The following CCDC146 variants were observed in gnomAD, a reference collection of about 807,000 sequenced individuals.
CCDC146 encodes the protein coiled-coil domain containing 146, also known as coiled-coil domain-containing protein 146.
In CCDC146, 92 loss-of-function variants were observed where a neutral mutation model predicts 119.3. The ratio of observed to expected loss-of-function variants is 0.77; its 90% CI spans 0.65 to 0.92. The LOEUF (loss-of-function observed/expected upper bound fraction) is 0.92. CCDC146 is among the 40% of genes least tolerant of loss of function. The probability of loss-of-function intolerance (pLI) is 0.00; values close to 1 mark genes in which losing one functional copy is unlikely to be tolerated. For synonymous variants in CCDC146, 372 were observed against 371.8 expected (o/e 1.00, Z -0.01); for missense variants, 1,000 against 1,103.0 (o/e 0.91, Z 1.32).
At chr7:77,286,675 A>G (rs1584148249) in intron 15 of CCDC146, 123 bp from the exon 16 acceptor site, 1 of 849,552 alleles carries the variant, frequency 1.2e-6, no homozygotes, top group Non-Finnish European at 1.9e-6. Context: ...AAGAAAACAG[A>G]GTTCTCTTCT....
At chr7:77,146,042 T>TG (rs1791013711) in intron 1 of CCDC146, among the ~76,000 whole-genome samples, 1 of 151,864 alleles carries the variant, frequency 6.6e-6, no homozygotes, top group Non-Finnish European at 1.5e-5. Context: ...ATTATCATTG[T>TG]GGGGGAGTCT....
rs555190314 is a variant in CCDC146, at chr7:77,263,226, T to C, written c.1173+919T>C. Among the ~76,000 whole-genome samples, 133 of 152,276 alleles carry C rather than the reference T, an allele frequency of 8.7e-4. 2 individuals carry two copies. The South Asian group carries it at 0.027, about 31-fold the overall frequency. ...TTGCAGTTGAGCAGAGTCATATAAC[T>C]CATTCTGGCCAGAGGATTGTAGACA... On this transcript the variant is annotated intron_variant, in intron 9 of 18. Coordinates refer to ENST00000285871, the MANE Select transcript of CCDC146 (RefSeq NM_020879.3).
intron 1 of CCDC146, among the ~76,000 whole-genome samples, chr7:77,132,991 G>GT (rs1380521917): frequency 6.6e-6 from 1 of 151,928 alleles, no homozygotes; most frequent in Admixed American, 6.6e-5. Flanking sequence ...GGCTAACATG[G>GT]TGAAACCCCA....
chr7:77,254,330 G>A (rs756569041), intron 4 of CCDC146, among the ~76,000 whole-genome samples, 176 bp from the exon 5 acceptor site: 4 of 152,180 alleles, frequency 2.6e-5, no homozygotes, highest in Non-Finnish European at 4.4e-5. Context: ...GTCCTGGGGA[G>A]GAGGAAGCAC....
intron 2 of CCDC146, among the ~76,000 whole-genome samples, chr7:77,191,703 T>C (rs1363585544): frequency 6.6e-6 from 1 of 151,916 alleles, no homozygotes; most frequent in Non-Finnish European, 1.5e-5. Context: ...GGTCAGGAGA[T>C]CGAGACCATC....
chr7:77,211,231 T>A (rs3095470), intron 2 of CCDC146, among the ~76,000 whole-genome samples: 1 of 151,976 alleles, frequency 6.6e-6, no homozygotes, highest in Non-Finnish European at 1.5e-5. Context: ...TTTTTTCTTG[T>A]GGTTCTTCAT....
chr7:77,233,330 G>A (rs750070082), intron 2 of CCDC146, among the ~76,000 whole-genome samples: 2 of 152,044 alleles, frequency 1.3e-5, no homozygotes, highest in African/African-American at 2.4e-5. Flanking sequence ...GACCTCAGGT[G>A]ATCTGCCCGC....
At chr7:77,136,869 T>C (rs1040506466) in intron 1 of CCDC146, among the ~76,000 whole-genome samples, 1 of 152,030 alleles carries the variant, frequency 6.6e-6, no homozygotes, top group Non-Finnish European at 1.5e-5. Context: ...CTCAACAAAA[T>C]TGAATCAACA....
intron 11 of CCDC146, among the ~76,000 whole-genome samples, chr7:77,276,208 A>AAG (rs1793634012): frequency 1.3e-5 from 2 of 150,898 alleles, no homozygotes; most frequent in Admixed American, 1.3e-4. Flanking sequence ...TTCCTCTCAA[A>AAG]AATAAAAAAA....
intron 1 of CCDC146, among the ~76,000 whole-genome samples, chr7:77,152,673 G>A (rs1318731850): frequency 6.6e-6 from 1 of 152,010 alleles, no homozygotes; most frequent in Non-Finnish European, 1.5e-5. Context: ...GTCTTTTAAG[G>A]CTCTCACACC....
rs1562865217 is a variant in CCDC146, at chr7:77,292,975, C to A, written c.2439C>A (p.Ile813=). ...AKKMNGYQRR[I]KNATEKMMAL... The stretch of plus-strand genomic sequence containing the variant: ...AGATGAATGGCTATCAAAGAAGGAT[C>A]AAAAATGCAACTGAGAAAATGATGG... The change falls in exon 18 of 19, where the codon ATC becomes ATA. Residue 813 remains isoleucine, a synonymous_variant. Transcript: ENST00000285871. 7 of 1,613,858 alleles carry A rather than the reference C, an allele frequency of 4.3e-6. No homozygotes were observed. The highest frequency in any genetic ancestry group is 1.7e-5 in the Admixed American group (1 of 59,974).
At chr7:77,186,076 A>G (rs1791662338) in intron 2 of CCDC146, among the ~76,000 whole-genome samples, 1 of 152,196 alleles carries the variant, frequency 6.6e-6, no homozygotes. Flanking sequence ...TATGGAGAAC[A>G]GTTTCCAGGT....
intron 2 of CCDC146, among the ~76,000 whole-genome samples, chr7:77,224,951 G>C (rs1343389907): frequency 6.6e-6 from 1 of 152,316 alleles, no homozygotes; most frequent in East Asian, 1.9e-4. Context: ...ACAGAGCAGA[G>C]ACTACTCTTT....
intron 2 of CCDC146, among the ~76,000 whole-genome samples, chr7:77,219,033 G>C (rs1792351791): frequency 6.6e-6 from 1 of 152,158 alleles, no homozygotes; most frequent in Non-Finnish European, 1.5e-5. Flanking sequence ...CATATTTTAA[G>C]AGATTTAAGT....
chr7:77,144,880 T>C (rs1790991252), intron 1 of CCDC146, among the ~76,000 whole-genome samples: 1 of 151,714 alleles, frequency 6.6e-6, no homozygotes, highest in African/African-American at 2.4e-5. Context: ...AAAATTCTCT[T>C]TTTTTTTCTG....
intron 5 of CCDC146, 94 bp from the exon 6 acceptor site, chr7:77,256,233 TATAATC>T (rs1200385381): frequency 3.7e-6 from 3 of 809,962 alleles, no homozygotes; most frequent in African/African-American, 3.5e-5. Context: ...TCAAAACAAA[TATAATC>T]AAAATGGTGG....
chr7:77,139,394 G>C (rs1227378107), intron 1 of CCDC146, among the ~76,000 whole-genome samples: 1 of 152,198 alleles, frequency 6.6e-6, no homozygotes, highest in Non-Finnish European at 1.5e-5. Flanking sequence ...GAGCACAAAG[G>C]ATTTTTAGGG....
intron 1 of CCDC146, among the ~76,000 whole-genome samples, chr7:77,167,361 C>A (rs1389707999): frequency 6.6e-6 from 1 of 151,990 alleles, no homozygotes; most frequent in African/African-American, 2.4e-5. Flanking sequence ...GACTTGCATT[C>A]TCATTATAAT....
chr7:77,233,652 G>T (rs928045500), intron 2 of CCDC146, among the ~76,000 whole-genome samples: 1 of 152,100 alleles, frequency 6.6e-6, no homozygotes, highest in Non-Finnish European at 1.5e-5. Context: ...GCACAACCTA[G>T]ATCCCTCACA....
Sources: gnomAD v4.1 joint callset for allele counts (sites outside exome capture counted in the v4.1 genomes callset) on GRCh38, gnomAD v4.1.1 for gene constraint, MANE v1.5 for transcripts, NCBI Gene and HGNC (gene_info 2026-07-23, HGNC 2026-07-21) for gene names.